STK3: variants seen among roughly 807,000 people sequenced by gnomAD.
STK3 encodes serine/threonine-protein kinase 3.
STK3 carries 41 observed loss-of-function variants against 58.0 expected under a neutral mutation model. The observed-to-expected ratio is 0.71, with a 90% CI of 0.55 to 0.92. The LOEUF (loss-of-function observed/expected upper bound fraction) is 0.92. Among genes scored for constraint, STK3 ranks in the 40% least tolerant of loss-of-function variants. The probability of loss-of-function intolerance (pLI) is 0.00; values close to 1 mark genes in which losing one functional copy is unlikely to be tolerated. For missense variants in STK3, 479 were observed against 602.7 expected (o/e 0.79, Z 2.15); for synonymous variants, 170 against 191.0 (o/e 0.89, Z 0.91).
chr8:98,852,535 T>A (rs182252303), intron 3 of STK3, among the ~76,000 whole-genome samples: 1 of 152,370 alleles, frequency 6.6e-6, no homozygotes, highest in East Asian at 1.9e-4. Flanking sequence ...TATACCTATC[T>A]ACTAATATGT....
intron 2 of STK3, among the ~76,000 whole-genome samples, chr8:98,769,405 G>A (rs1831152746): frequency 1.3e-5 from 2 of 152,162 alleles, no homozygotes; most frequent in Admixed American, 6.5e-5. Flanking sequence ...TTAAAAATGG[G>A]AGTTTGTCTG....
intron 1 of STK3, chr8:98,782,532 A>T: frequency 3.0e-6 from 1 of 331,858 alleles, no homozygotes. Flanking sequence ...TGCTGGTCTA[A>T]GACCAAGGAA....
intron 1 of STK3, among the ~76,000 whole-genome samples, chr8:98,939,705 A>AAC (rs1840332940): frequency 1.3e-5 from 2 of 152,338 alleles, no homozygotes; most frequent in South Asian, 4.1e-4. Flanking sequence ...TGCGTTGAAA[A>AAC]ACACACACAA....
intron 6 of STK3, among the ~76,000 whole-genome samples, 155 bp downstream of exon 6, chr8:98,706,312 A>T (rs1825958627): frequency 6.6e-6 from 1 of 152,224 alleles, no homozygotes; most frequent in African/African-American, 2.4e-5. Flanking sequence ...AAGGAAGAGA[A>T]GTTAACAGTT....
chr8:98,778,490 G>C (rs1197853476), intron 1 of STK3, among the ~76,000 whole-genome samples: 2 of 152,090 alleles, frequency 1.3e-5, no homozygotes, highest in Non-Finnish European at 2.9e-5. Context: ...CAGGGATCTA[G>C]AACTAGAAAT....
At chr8:98,464,726 A>G (rs1317104779) in intron 10 of STK3, among the ~76,000 whole-genome samples, 1 of 152,120 alleles carries the variant, frequency 6.6e-6, no homozygotes, top group East Asian at 1.9e-4. Context: ...CATTTAAAAT[A>G]TGCATTTACA....
chr8:98,512,240 T>A (rs1426190589), intron 10 of STK3, among the ~76,000 whole-genome samples: 1 of 152,086 alleles, frequency 6.6e-6, no homozygotes, highest in Non-Finnish European at 1.5e-5. Context: ...AAACAACCTT[T>A]AGCTTGTAAT....
At chr8:98,668,720 G>C (rs1171629858) in intron 6 of STK3, among the ~76,000 whole-genome samples, 1 of 151,910 alleles carries the variant, frequency 6.6e-6, no homozygotes, top group Non-Finnish European at 1.5e-5. Context: ...AATCTCACTT[G>C]CATATAATTA....
chr8:98,480,400 G>A (rs1821753001), intron 10 of STK3, among the ~76,000 whole-genome samples: 1 of 152,156 alleles, frequency 6.6e-6, no homozygotes, highest in Non-Finnish European at 1.5e-5. Context: ...AACTTTCTGA[G>A]ATAGGAGAAG....
At chr8:98,398,133 A>G (rs1259128094), downstream of STK3, among the ~76,000 whole-genome samples, 1 of 152,146 alleles carries the variant, frequency 6.6e-6, no homozygotes, top group East Asian at 1.9e-4. Context: ...CTCAGCAGAG[A>G]GCGAAGGGCA....
chr8:98,688,949 CA>C (rs956641149), intron 6 of STK3, among the ~76,000 whole-genome samples: 4 of 151,856 alleles, frequency 2.6e-5, no homozygotes, highest in Admixed American at 6.6e-5. Flanking sequence ...AAAAACCATA[CA>C]AAAGATCAAT....
chr8:98,729,072 T>G (rs1245597939), intron 4 of STK3, among the ~76,000 whole-genome samples: 2 of 152,212 alleles, frequency 1.3e-5, no homozygotes, highest in African/African-American at 4.8e-5. Flanking sequence ...GAATAGCCAC[T>G]GCTTGACTCT....
chr8:98,385,409 C>T (rs1387562435), intron 1 of STK3, among the ~76,000 whole-genome samples: 1 of 152,154 alleles, frequency 6.6e-6, no homozygotes. Flanking sequence ...CTCCTCTGGT[C>T]CCTAAGTGGT....
chr8:98,423,859 G>A (rs1025020485), intron 3 of STK3, among the ~76,000 whole-genome samples: 4 of 152,136 alleles, frequency 2.6e-5, no homozygotes, highest in African/African-American at 7.2e-5. Flanking sequence ...GATAACAGTC[G>A]GCCAGGTGCA....
At chr8:98,905,699 C>T (rs898454293) in intron 1 of STK3, 7 of 660,486 alleles carry the variant, frequency 1.1e-5, no homozygotes, top group Non-Finnish European at 2.0e-5. Flanking sequence ...GTGGCAGCGG[C>T]GGAGGTAGCT....
intron 3 of STK3, among the ~76,000 whole-genome samples, chr8:98,419,131 C>A (rs1818144698): frequency 6.6e-6 from 1 of 152,148 alleles, no homozygotes. Flanking sequence ...GGGGCCGAAG[C>A]AGGAGGATCA....
chr8:98,889,685 ACTT>A (rs1587806975), intron 1 of STK3: 1 of 152,200 alleles, frequency 6.6e-6, no homozygotes, highest in East Asian at 1.9e-4. Context: ...AATGCATTAT[ACTT>A]CATTTAGATC....
At chr8:98,350,762 T>C in the STK3 span, among the ~76,000 whole-genome samples, 1 of 152,200 alleles carries the variant, frequency 6.6e-6, no homozygotes, top group South Asian at 2.1e-4. Context: ...GTCACTACCA[T>C]GAGAACAGTA....
chr8:98,573,968 C>A (rs561259890), intron 8 of STK3, among the ~76,000 whole-genome samples: 1 of 152,198 alleles, frequency 6.6e-6, no homozygotes, highest in South Asian at 2.1e-4. Context: ...CATCAGACCT[C>A]ATGATAACTC....
Sources: gnomAD v4.1 joint callset for allele counts (sites outside exome capture counted in the v4.1 genomes callset) on GRCh38, gnomAD v4.1.1 for gene constraint, MANE v1.5 for transcripts, NCBI Gene and HGNC (gene_info 2026-07-23, HGNC 2026-07-21) for gene names.